RFX3: variants seen among roughly 807,000 people sequenced by gnomAD.
The protein encoded by RFX3 is transcription factor RFX3.
In RFX3, 14 loss-of-function variants were observed where a neutral mutation model predicts 98.6. That is an observed-to-expected ratio of 0.14 (90% CI 0.09 to 0.22). The LOEUF (loss-of-function observed/expected upper bound fraction) is 0.22, where lower values mean the gene tolerates loss of function less well. Ranked by LOEUF, RFX3 falls within the 10% of genes least tolerant of loss-of-function variation. The pLI is 1.00. For synonymous variants in RFX3, 383 were observed against 328.4 expected (o/e 1.17, Z -1.80); for missense variants, 639 against 926.9 (o/e 0.69, Z 4.03).
intron 1 of RFX3, among the ~76,000 whole-genome samples, chr9:3,419,938 C>A (rs1231199211): frequency 6.6e-6 from 1 of 152,190 alleles, no homozygotes; most frequent in Admixed American, 6.5e-5. Context: ...AAAATTCCAA[C>A]ACAACCTCTG....
At position 3,443,559 on chromosome 9, in the gene RFX3, T is replaced by C. The variant is rs143928914; in HGVS notation, c.-8-47963A>G. On this transcript the variant is annotated intron_variant, in intron 1 of 16. Coordinates refer to ENST00000617270, the MANE Select transcript of RFX3 (RefSeq NM_001282116.2). The stretch of plus-strand genomic sequence containing the variant: ...CTCATTCCTTTTTATGGCTGCATAA[T>C]ATTACATGGTGTATATGCACCACAT... Among the ~76,000 whole-genome samples the C allele has an allele frequency of 9.7e-3, 1,485 of 152,340 alleles. 13 individuals are homozygous for C. The highest frequency in any genetic ancestry group is 0.027 in the East Asian group (138 of 5,182).
chr9:3,296,031 G>A (rs988730246), intron 5 of RFX3, among the ~76,000 whole-genome samples: 4 of 151,740 alleles, frequency 2.6e-5, no homozygotes, highest in African/African-American at 9.7e-5. Flanking sequence ...GTAAAAATGA[G>A]AGCTTACTTA....
intron 11 of RFX3, among the ~76,000 whole-genome samples, 180 bp from the exon 12 acceptor site, chr9:3,266,485 T>C (rs1332198371): frequency 6.6e-6 from 1 of 152,072 alleles, no homozygotes; most frequent in Non-Finnish European, 1.5e-5. Flanking sequence ...AAGAATTATA[T>C]TTTGGGCTTT....
intron 2 of RFX3, among the ~76,000 whole-genome samples, chr9:3,387,209 T>A (rs568768368): frequency 6.6e-6 from 1 of 152,242 alleles, no homozygotes; most frequent in East Asian, 1.9e-4. Context: ...GCACTTTGTA[T>A]CAAATTCCAT....
At chr9:3,464,791 C>G (rs568458426) in intron 1 of RFX3, among the ~76,000 whole-genome samples, 1 of 151,808 alleles carries the variant, frequency 6.6e-6, no homozygotes, top group Non-Finnish European at 1.5e-5. Flanking sequence ...GCTGATTTAA[C>G]AAATAAAAGC....
intron 1 of RFX3, among the ~76,000 whole-genome samples, chr9:3,507,466 C>A (rs778929392): frequency 1.3e-5 from 2 of 151,774 alleles, no homozygotes; most frequent in Admixed American, 6.6e-5. Context: ...TTTATTAATC[C>A]TATTTCACAG....
chr9:3,460,484 G>C (rs1256913762), intron 1 of RFX3, among the ~76,000 whole-genome samples: 1 of 151,766 alleles, frequency 6.6e-6, no homozygotes, highest in Non-Finnish European at 1.5e-5. Flanking sequence ...TATTTTCCCA[G>C]TTTTCCTCTA....
intron 1 of RFX3, among the ~76,000 whole-genome samples, chr9:3,477,757 C>T (rs900601530): frequency 5.3e-5 from 8 of 152,108 alleles, no homozygotes; most frequent in African/African-American, 1.9e-4. Flanking sequence ...GCCTCATTCT[C>T]ATCTTCTGGG....
At chr9:3,415,596 T>C (rs142492450) in intron 1 of RFX3, among the ~76,000 whole-genome samples, 94 of 152,264 alleles carry the variant, frequency 6.2e-4, no homozygotes, top group African/African-American at 2.1e-3. Flanking sequence ...CTCTTCTTTC[T>C]TCTCTCCTCA....
At chr9:3,370,975 G>C (rs189879112) in intron 2 of RFX3, among the ~76,000 whole-genome samples, 7 of 152,116 alleles carry the variant, frequency 4.6e-5, no homozygotes, top group African/African-American at 7.2e-5. Flanking sequence ...TAAAAGCAAA[G>C]ACTCTTGAAA....
chr9:3,389,628 G>A (rs1454299408), intron 2 of RFX3, among the ~76,000 whole-genome samples: 1 of 152,114 alleles, frequency 6.6e-6, no homozygotes, highest in South Asian at 2.1e-4. Flanking sequence ...TTGAGTGCCA[G>A]TATGACACCA....
intron 4 of RFX3, among the ~76,000 whole-genome samples, chr9:3,325,195 T>G (rs1831773802): frequency 6.6e-6 from 1 of 152,110 alleles, no homozygotes; most frequent in African/African-American, 2.4e-5. Flanking sequence ...GTAAAATTAT[T>G]TTGAAGAGCT....
intron 16 of RFX3, among the ~76,000 whole-genome samples, 153 bp from the exon 17 acceptor site, chr9:3,225,433 G>C (rs1244701996): frequency 6.6e-6 from 1 of 152,074 alleles, no homozygotes; most frequent in Non-Finnish European, 1.5e-5. Context: ...CTTTTCATCA[G>C]ATTTTATTCA....
chr9:3,486,770 T>G lies in RFX3; in HGVS notation c.-9+38977A>C, dbSNP rs566007567. Among the ~76,000 whole-genome samples the G allele has an allele frequency of 5.3e-5, 8 of 152,314 alleles. No homozygotes were observed. The South Asian group carries it at 1.7e-3, about 32-fold the overall frequency. On this transcript the variant is annotated intron_variant, in intron 1 of 16. Transcript: ENST00000617270. ...TTGAGTCTAAACAGTTACTTCGAAT[T>G]TGTGTGATTAACTTCTAACCCTTAT...
intron 1 of RFX3, among the ~76,000 whole-genome samples, chr9:3,398,268 T>C (rs371892536): frequency 7.0e-4 from 107 of 152,212 alleles, no homozygotes; most frequent in African/African-American, 2.5e-3. Flanking sequence ...TTCTCAAAAT[T>C]TGGGGAGAGA....
chr9:3,444,279 A>G (rs1040375516), intron 1 of RFX3, among the ~76,000 whole-genome samples: 2 of 152,226 alleles, frequency 1.3e-5, no homozygotes, highest in Admixed American at 6.5e-5. Flanking sequence ...ATGAATTTCA[A>G]AATAATTCTG....
chr9:3,418,387 GT>G lies in RFX3; in HGVS notation c.-8-22792del, dbSNP rs568542750. ...AAATACTTGAAGCTTTTTTGTTTTT[GT>G]TTTTTTTTGGAGATGGAGTCTTGCT... On this transcript the variant is annotated intron_variant, in intron 1 of 16. Coordinates refer to ENST00000617270, the MANE Select transcript of RFX3 (RefSeq NM_001282116.2). 4.7e-5 allele frequency among the ~76,000 whole-genome samples: 7 copies of G among 150,206 alleles called. 1 individual carries two copies. In the East Asian group the frequency reaches 9.7e-4, roughly 21 times the overall value.
At chr9:3,390,201 C>A (rs1322487597) in intron 2 of RFX3, among the ~76,000 whole-genome samples, 1 of 151,958 alleles carries the variant, frequency 6.6e-6, no homozygotes, top group Non-Finnish European at 1.5e-5. Context: ...TTGGGAGCAA[C>A]CCTGTGGTAG....
chr9:3,316,375 T>A (rs1456069232), intron 4 of RFX3, among the ~76,000 whole-genome samples: 1 of 152,170 alleles, frequency 6.6e-6, no homozygotes, highest in Non-Finnish European at 1.5e-5. Flanking sequence ...GGGACGTATC[T>A]CAAAATAATA....
Sources: gnomAD v4.1 joint callset for allele counts (sites outside exome capture counted in the v4.1 genomes callset) on GRCh38, gnomAD v4.1.1 for gene constraint, MANE v1.5 for transcripts, NCBI Gene and HGNC (gene_info 2026-07-23, HGNC 2026-07-21) for gene names.